ARID1B: variants seen among roughly 807,000 people sequenced by gnomAD.
ARID1B encodes AT-rich interactive domain-containing protein 1B.
Under a neutral mutation model 212.3 loss-of-function variants are expected in ARID1B, and 30 were observed. The observed-to-expected ratio is 0.14, with a 90% CI of 0.11 to 0.19. The LOEUF is 0.19. ARID1B is among the 10% of genes least tolerant of loss of function. The probability of loss-of-function intolerance (pLI) is 1.00; values close to 1 mark genes in which losing one functional copy is unlikely to be tolerated. For missense variants in ARID1B, 2,891 were observed against 3,204.0 expected (o/e 0.90, Z 2.36); for synonymous variants, 1,402 against 1,301.7 (o/e 1.08, Z -1.66).
intron 2 of ARID1B, among the ~76,000 whole-genome samples, chr6:156,890,290 T>C (rs1335410469): frequency 1.3e-5 from 2 of 152,228 alleles, no homozygotes; most frequent in Non-Finnish European, 2.9e-5. Flanking sequence ...AATTAATAAT[T>C]GTAAAGAAAT....
rs2128047277 is a variant in ARID1B at position 156,829,417 on chromosome 6, A to T, written c.1982A>T (p.Gln661Leu). Residue 661 changes from glutamine to leucine, a missense_variant, in exon 2 of 20, where the codon CAG becomes CTG. By Grantham distance (113) the Gln-to-Leu change is moderately radical. Transcript: ENST00000636930. ...ATGGCCGGAATGCAGTACCCTCAGC[A>T]GCAGGTTTGTGCTGGTCCCCCGACC... The part of the protein sequence containing the change: ...GAMAGMQYPQ[Q>L]QMPPQYGQQG... 1 of 1,613,978 alleles carries T rather than the reference A, an allele frequency of 6.2e-7. No homozygotes were observed. Among genetic ancestry groups the T allele is most frequent in the Admixed American group, 1.7e-5 (1 of 59,988 alleles).
intron 2 of ARID1B, among the ~76,000 whole-genome samples, chr6:156,879,353 A>G (rs775195513): frequency 6.6e-6 from 1 of 152,254 alleles, no homozygotes; most frequent in Non-Finnish European, 1.5e-5. Context: ...TGTGGAGTAC[A>G]GCAATAAAAA....
intron 2 of ARID1B, among the ~76,000 whole-genome samples, chr6:156,886,676 G>C (rs528483966): frequency 1.3e-5 from 2 of 152,286 alleles, no homozygotes; most frequent in East Asian, 3.9e-4. Context: ...GCCCTTGACC[G>C]TAACAAGGAC....
intron 2 of ARID1B, among the ~76,000 whole-genome samples, chr6:156,893,481 C>A (rs374384758): frequency 1.3e-5 from 2 of 152,140 alleles, no homozygotes; most frequent in East Asian, 1.9e-4. Flanking sequence ...AGGAGACTAT[C>A]GAGAGAGTGA....
In ARID1B at chr6:157,029,162, A is replaced by G. The variant is rs553453130; in HGVS notation, c.2248-55500A>G. On this transcript the variant is annotated intron_variant, in intron 4 of 19. Coordinates refer to ENST00000636930, the MANE Select transcript of ARID1B (RefSeq NM_001374828.1). ...CTAGAGAGACAAATGCATCAAATGC[A>G]TATATATGTATTCAATATAGCAAAA... Among the ~76,000 whole-genome samples, 7 of 152,374 alleles carry G rather than the reference A, an allele frequency of 4.6e-5. No individual in the cohort carries two copies. The East Asian group carries it at 9.6e-4, about 21-fold the overall frequency.
Position 157,032,271 on chromosome 6 carries a change from A to G in ARID1B, c.2248-52391A>G, listed in dbSNP as rs149488405. On this transcript the variant is annotated intron_variant, in intron 4 of 19. Coordinates refer to ENST00000636930, the MANE Select transcript of ARID1B (RefSeq NM_001374828.1). ...TGAGCATTTTCCCGTGTTACAAACT[A>G]TCTCTTAAAACCTGAATTTTTCATG... Among the ~76,000 whole-genome samples, 229 of 152,344 alleles carry G rather than the reference A, an allele frequency of 1.5e-3. 1 individual carries two copies. The highest frequency in any genetic ancestry group is 5.0e-3 in the African/African-American group (209 of 41,578).
rs1274094974 is a variant in ARID1B at position 156,835,112 on chromosome 6, C to T, written c.1986+5691C>T. On this transcript the variant is annotated intron_variant, in intron 2 of 19. Coordinates refer to ENST00000636930, the MANE Select transcript of ARID1B (RefSeq NM_001374828.1). ...AAAAATTAGCCGGCGTGGTGGCGGG[C>T]GCCTGTAGTCCCAGCTCCTCGGGAA... Among the ~76,000 whole-genome samples the T allele has an allele frequency of 2.6e-5, 4 of 151,940 alleles. No individual in the cohort carries two copies. In the South Asian group the frequency reaches 6.3e-4, roughly 24 times the overall value.
At chr6:156,824,847 A>G (rs974926873) in intron 1 of ARID1B, among the ~76,000 whole-genome samples, 4 of 152,038 alleles carry the variant, frequency 2.6e-5, no homozygotes, top group African/African-American at 4.8e-5. Context: ...TTTGTTTTCC[A>G]GAAGTCTTAG....
At chr6:156,801,356 G>A (rs777844098) in intron 1 of ARID1B, among the ~76,000 whole-genome samples, 5 of 151,796 alleles carry the variant, frequency 3.3e-5, no homozygotes, top group Non-Finnish European at 5.9e-5. Context: ...CCCGCCACCA[G>A]GTCTGGGTAA....
At chr6:157,110,711 A>G in intron 6 of ARID1B, 150 bp downstream of exon 6, 1 of 767,810 alleles carries the variant, frequency 1.3e-6, no homozygotes, top group Non-Finnish European at 2.1e-6. Flanking sequence ...AGCCCTTCCA[A>G]CAAATATGGA....
intron 8 of ARID1B, among the ~76,000 whole-genome samples, chr6:157,155,151 C>G (rs1790495161): frequency 6.6e-6 from 1 of 152,140 alleles, no homozygotes; most frequent in East Asian, 1.9e-4. Context: ...TAGATTGTTT[C>G]CAGAGCCAAG....
intron 10 of ARID1B, among the ~76,000 whole-genome samples, chr6:157,174,588 G>A (rs937329105): frequency 1.3e-5 from 2 of 150,802 alleles, no homozygotes; most frequent in Non-Finnish European, 2.9e-5. Flanking sequence ...TTCCATGTAA[G>A]CTTGAAGTAA....
chr6:156,914,805 A>G (rs923108172), intron 3 of ARID1B, among the ~76,000 whole-genome samples: 17 of 152,164 alleles, frequency 1.1e-4, no homozygotes, highest in African/African-American at 2.2e-4. Context: ...TGCCCTGTCT[A>G]TATTTTCCCC....
chr6:156,897,218 GCTTCTT>G lies in ARID1B; in HGVS notation c.1987-4115_1987-4110del, dbSNP rs796265973. ...TGCTGCTGCTGCTGCTGCTGCTGCT[GCTTCTT>G]CTTCTTCTTCTTCTTCTTCTTCTTC... is the stretch of plus-strand genomic sequence containing the variant. On this transcript the variant is annotated intron_variant, in intron 2 of 19. Coordinates refer to ENST00000636930, the MANE Select transcript of ARID1B (RefSeq NM_001374828.1). Among the ~76,000 whole-genome samples the G allele has an allele frequency of 4.7e-3, 426 of 91,340 alleles. 2 individuals carry two copies. The highest frequency in any genetic ancestry group is 6.1e-3 in the Non-Finnish European group (278 of 45,316). 59.9% of individuals were successfully genotyped at this position (91,340 alleles called of 152,430 possible).
chr6:156,958,300 G>A (rs1794114529), intron 4 of ARID1B, among the ~76,000 whole-genome samples: 1 of 152,134 alleles, frequency 6.6e-6, no homozygotes, highest in African/African-American at 2.4e-5. Context: ...TAAAAAGAAA[G>A]AAAAACACTA....
At chr6:156,894,048 C>T (rs533149500) in intron 2 of ARID1B, among the ~76,000 whole-genome samples, 43 of 152,070 alleles carry the variant, frequency 2.8e-4, no homozygotes, top group Non-Finnish European at 5.9e-4. Context: ...AGTGTTTATC[C>T]ATGGGTGAGT....
chr6:156,837,878 T>C (rs183223735), intron 2 of ARID1B, among the ~76,000 whole-genome samples: 8 of 152,294 alleles, frequency 5.3e-5, no homozygotes, highest in African/African-American at 1.9e-4. Flanking sequence ...GACTCAAGTT[T>C]AGAAATGTTT....
Position 157,206,247 on chromosome 6 carries a change from A to T in ARID1B, c.5475A>T (p.Glu1825Asp). ...IDIFGILMEY[E>D]VGDPSQKALD... The stretch of plus-strand genomic sequence containing the variant: ...TTTTTGGAATTCTTATGGAATATGA[A>T]GTGGGAGACCCCAGCCAAAAAGCAC... The change falls in exon 20 of 20, where the codon GAA (glutamate) becomes GAT (aspartate). Residue 1825 changes from glutamate to aspartate, a missense_variant. Coordinates refer to ENST00000636930, the MANE Select transcript of ARID1B (RefSeq NM_001374828.1). This position sits in a 1 kb window ranked among gnomAD's most constrained non-coding sequence, Gnocchi z 6.8. 1 of 1,614,224 alleles carries T rather than the reference A, an allele frequency of 6.2e-7. No homozygotes were observed. The highest frequency in any genetic ancestry group is 8.5e-7 in the Non-Finnish European group (1 of 1,180,038).
intron 4 of ARID1B, among the ~76,000 whole-genome samples, chr6:156,996,762 A>G (rs2128418040): frequency 6.6e-6 from 1 of 152,352 alleles, no homozygotes; most frequent in Non-Finnish European, 1.5e-5. Context: ...CTGTATAACA[A>G]TTAATAAATG....
Sources: gnomAD v4.1 joint callset for allele counts (sites outside exome capture counted in the v4.1 genomes callset) on GRCh38, gnomAD v4.1.1 for gene constraint, Gnocchi (gnomAD v3.1) non-coding constraint, MANE v1.5 for transcripts, NCBI Gene and HGNC (gene_info 2026-07-23, HGNC 2026-07-21) for gene names.